Variants in ADGRB3 observed in about 807,000 individuals in gnomAD.
The protein encoded by ADGRB3 is adhesion G protein-coupled receptor B3.
In ADGRB3, 37 loss-of-function variants were observed where a neutral mutation model predicts 193.4. The observed-to-expected ratio is 0.19, with a 90% CI of 0.15 to 0.25. The LOEUF is 0.25. Ranked by LOEUF, ADGRB3 falls within the 10% of genes least tolerant of loss-of-function variation. The pLI is 1.00. For synonymous variants in ADGRB3, 690 were observed against 644.2 expected (o/e 1.07, Z -1.08); for missense variants, 1,637 against 1,852.9 (o/e 0.88, Z 2.14).
chr6:68,960,412 C>T (rs888134296), intron 8 of ADGRB3, among the ~76,000 whole-genome samples: 3 of 152,054 alleles, frequency 2.0e-5, no homozygotes, highest in Non-Finnish European at 2.9e-5. Context: ...GGAGGGCAGC[C>T]GTAGTGTTGG....
chr6:68,649,428 T>G (rs1768293376), intron 3 of ADGRB3, among the ~76,000 whole-genome samples: 1 of 152,148 alleles, frequency 6.6e-6, no homozygotes. Context: ...TGATATTTAT[T>G]CAGGACAATA....
chr6:68,719,199 C>T (rs1276060336), intron 3 of ADGRB3, among the ~76,000 whole-genome samples: 5 of 151,594 alleles, frequency 3.3e-5, no homozygotes, highest in Admixed American at 2.6e-4. Flanking sequence ...TTTTTAAGTC[C>T]GTGTCCCTGA....
intron 26 of ADGRB3, among the ~76,000 whole-genome samples, chr6:69,348,535 C>T (rs1372683041): frequency 4.0e-5 from 6 of 149,372 alleles, no homozygotes; most frequent in African/African-American, 1.2e-4. Context: ...TGGTGGCAGG[C>T]GCCTGTAGTC....
intron 20 of ADGRB3, among the ~76,000 whole-genome samples, chr6:69,249,230 C>T (rs1036189796): frequency 3.9e-5 from 6 of 152,118 alleles, no homozygotes; most frequent in Admixed American, 6.5e-5. Context: ...CCTGCCTTGG[C>T]GTCCCAAAGT....
At chr6:68,978,517 T>C (rs1768815915) in intron 10 of ADGRB3, among the ~76,000 whole-genome samples, 4 of 151,666 alleles carry the variant, frequency 2.6e-5, no homozygotes, top group Admixed American at 2.6e-4. Flanking sequence ...CAGTAAAGTA[T>C]AGAATGAATG....
rs564269432 is a variant in ADGRB3 at position 69,038,076 on chromosome 6, T to C, written c.2108-10109T>C. Among the ~76,000 whole-genome samples the C allele has an allele frequency of 5.3e-5, 8 of 152,296 alleles. No individual in the cohort carries two copies. In the East Asian group the frequency reaches 1.5e-3, roughly 29 times the overall value. On this transcript the variant is annotated intron_variant, in intron 13 of 31. Transcript: ENST00000370598. ...AATACTGTAGGGGCTCAATAGAGGT[T>C]TGTTGGATAAATACATGTATAGAAT...
chr6:69,292,708 T>C (rs1413269938), intron 20 of ADGRB3, among the ~76,000 whole-genome samples: 1 of 150,986 alleles, frequency 6.6e-6, no homozygotes, highest in Non-Finnish European at 1.5e-5. Flanking sequence ...TCTCTCAACC[T>C]CTTTCTTTTT....
chr6:69,379,260 GA>G (rs2127344338), intron 30 of ADGRB3, among the ~76,000 whole-genome samples: 1 of 151,928 alleles, frequency 6.6e-6, no homozygotes, highest in African/African-American at 2.4e-5. Flanking sequence ...TACACATTTT[GA>G]AAACTCAATT....
intron 17 of ADGRB3, among the ~76,000 whole-genome samples, chr6:69,119,386 T>C (rs750020378): frequency 1.1e-4 from 16 of 152,188 alleles, no homozygotes; most frequent in Admixed American, 2.0e-4. Flanking sequence ...CCCCGTTCTC[T>C]TGGAGTATAT....
At chr6:69,252,485 C>T (rs1230462412) in intron 20 of ADGRB3, among the ~76,000 whole-genome samples, 1 of 152,040 alleles carries the variant, frequency 6.6e-6, no homozygotes, top group Non-Finnish European at 1.5e-5. Context: ...AAAATACAAA[C>T]TGCTGAATGG....
chr6:68,724,963 G>GT (rs1004581400), intron 3 of ADGRB3, among the ~76,000 whole-genome samples: 2 of 151,560 alleles, frequency 1.3e-5, no homozygotes, highest in Non-Finnish European at 3.0e-5. Flanking sequence ...AATCTGGTCT[G>GT]TTTTTTTCCG....
At chr6:69,022,617 C>G (rs1460482233) in intron 13 of ADGRB3, among the ~76,000 whole-genome samples, 3 of 151,830 alleles carry the variant, frequency 2.0e-5, no homozygotes, top group Non-Finnish European at 2.9e-5. Flanking sequence ...TTGTGCTTTG[C>G]TAACCACTCT....
At chr6:69,137,949 A>G (rs1774204089) in intron 17 of ADGRB3, among the ~76,000 whole-genome samples, 1 of 152,224 alleles carries the variant, frequency 6.6e-6, no homozygotes, top group African/African-American at 2.4e-5. Flanking sequence ...CAGTTGATAA[A>G]CATATTGACA....
At chr6:68,929,961 G>A (rs76347422) in intron 3 of ADGRB3, among the ~76,000 whole-genome samples, 14,472 of 151,518 alleles carry the variant, frequency 0.096, 913 homozygotes, top group Non-Finnish European at 0.14. Context: ...GATTAGAAAA[G>A]GGGGGAGGAA....
intron 6 of ADGRB3, among the ~76,000 whole-genome samples, chr6:68,949,522 G>A (rs574033743): frequency 6.6e-6 from 1 of 152,122 alleles, no homozygotes; most frequent in Non-Finnish European, 1.5e-5. Context: ...AGCATCTATG[G>A]GAGGATGCCC....
At chr6:68,888,794 A>G (rs922621506) in intron 3 of ADGRB3, among the ~76,000 whole-genome samples, 3 of 152,190 alleles carry the variant, frequency 2.0e-5, no homozygotes, top group African/African-American at 7.2e-5. Context: ...GCAGCAATCT[A>G]GAGTTAAGAG....
chr6:68,854,494 TA>T (rs1024843525), intron 3 of ADGRB3, among the ~76,000 whole-genome samples: 1 of 152,170 alleles, frequency 6.6e-6, no homozygotes. Flanking sequence ...TAATACACAA[TA>T]AATAGATGCG....
intron 20 of ADGRB3, among the ~76,000 whole-genome samples, chr6:69,249,773 T>A (rs1322176494): frequency 6.6e-6 from 1 of 152,056 alleles, no homozygotes; most frequent in Middle Eastern, 3.2e-3. Flanking sequence ...TAAAAAAAAA[T>A]AAGCAGATTA....
intron 5 of ADGRB3, among the ~76,000 whole-genome samples, chr6:68,942,647 GT>G (rs1194246354): frequency 4.6e-5 from 7 of 151,894 alleles, no homozygotes; most frequent in Non-Finnish European, 1.0e-4. Context: ...GTCTTGCTGT[GT>G]TGCCCAGGCT....
Sources: gnomAD v4.1 joint callset for allele counts (sites outside exome capture counted in the v4.1 genomes callset) on GRCh38, gnomAD v4.1.1 for gene constraint, MANE v1.5 for transcripts, NCBI Gene and HGNC (gene_info 2026-07-23, HGNC 2026-07-21) for gene names.